NELL1: variants seen among roughly 807,000 people sequenced by gnomAD.
The protein encoded by NELL1 is neural EGFL like 1, also known as protein kinase C-binding protein NELL1.
A neutral mutation model predicts 107.4 loss-of-function variants in NELL1; 76 were observed. The observed-to-expected ratio is 0.71, with a 90% CI of 0.59 to 0.86. NELL1 has a LOEUF of 0.86. NELL1 is among the 40% of genes least tolerant of loss of function. NELL1 has a pLI of 0.00. For missense variants in NELL1, 1,024 were observed against 1,005.5 expected, an observed-to-expected ratio of 1.02 and a Z score of -0.25; for synonymous variants, 353 against 341.2, an observed-to-expected ratio of 1.03 and a Z score of -0.38.
intron 5 of NELL1, among the ~76,000 whole-genome samples, chr11:20,888,965 C>T (rs1227110629): frequency 5.3e-5 from 8 of 152,164 alleles, no homozygotes; most frequent in Admixed American, 1.3e-4. Flanking sequence ...CTAATATTTT[C>T]AAGGCTTTGT....
chr11:21,261,125 C>T (rs989275629), intron 14 of NELL1, among the ~76,000 whole-genome samples: 1 of 151,074 alleles, frequency 6.6e-6, no homozygotes, highest in Admixed American at 6.6e-5. Flanking sequence ...GCTGGTTCCT[C>T]GACATTTTTA....
intron 15 of NELL1, among the ~76,000 whole-genome samples, chr11:21,518,163 T>C (rs972534071): frequency 5.3e-5 from 8 of 152,124 alleles, no homozygotes; most frequent in African/African-American, 1.9e-4. Flanking sequence ...GGTGCTGATT[T>C]TCCCCCTTTC....
chr11:21,027,282 C>CTAGTTTAGTT (rs60300243), intron 12 of NELL1, among the ~76,000 whole-genome samples: 6,857 of 140,956 alleles, frequency 0.049, 230 homozygotes, highest in African/African-American at 0.077. Flanking sequence ...TGGGAAAAGC[C>CTAGTTTAGTT]TAGTTTAGTT....
intron 4 of NELL1, among the ~76,000 whole-genome samples, chr11:20,857,206 G>T (rs111392818): frequency 2.3e-4 from 35 of 152,270 alleles, no homozygotes; most frequent in African/African-American, 7.2e-4. Context: ...GGAGCGGCAG[G>T]AGCTGCAGAA....
intron 12 of NELL1, among the ~76,000 whole-genome samples, chr11:20,993,915 G>A (rs372413841): frequency 1.3e-5 from 2 of 148,304 alleles, no homozygotes; most frequent in South Asian, 2.1e-4. Context: ...AAAAAAATCA[G>A]TACGAATCAG....
chr11:20,965,384 AG>A (rs1851368343), intron 12 of NELL1, among the ~76,000 whole-genome samples: 1 of 152,210 alleles, frequency 6.6e-6, no homozygotes, highest in African/African-American at 2.4e-5. Flanking sequence ...AATGTTTATG[AG>A]GATCTTTCTT....
intron 10 of NELL1, 114 bp downstream of exon 10, chr11:20,937,973 T>C (rs1850762747): frequency 1.1e-6 from 1 of 934,596 alleles, no homozygotes; most frequent in South Asian, 1.4e-5. Flanking sequence ...CCCCGAGGGG[T>C]GGAACTCTCT....
At chr11:21,050,080 A>G (rs1853455118) in intron 12 of NELL1, among the ~76,000 whole-genome samples, 1 of 152,206 alleles carries the variant, frequency 6.6e-6, no homozygotes, top group Non-Finnish European at 1.5e-5. Context: ...CTAATGCTGC[A>G]TCTTAAAAGC....
chr11:21,562,319 A>G (rs561350756), intron 17 of NELL1, among the ~76,000 whole-genome samples: 23 of 152,046 alleles, frequency 1.5e-4, no homozygotes, highest in Non-Finnish European at 2.8e-4. Flanking sequence ...ACAGGGGATG[A>G]GCAATTCTTG....
intron 12 of NELL1, among the ~76,000 whole-genome samples, chr11:20,982,630 A>G (rs1279197236): frequency 2.0e-5 from 3 of 152,214 alleles, no homozygotes; most frequent in Non-Finnish European, 4.4e-5. Context: ...TAGCCCCTTC[A>G]TTTTGTAGAA....
intron 15 of NELL1, among the ~76,000 whole-genome samples, chr11:21,466,246 T>C (rs1023961099): frequency 2.0e-5 from 3 of 152,100 alleles, no homozygotes; most frequent in African/African-American, 7.2e-5. Context: ...CTTTCAGCAT[T>C]GCGGAGGACT....
chr11:21,419,342 ATTCTATCAACTGT>A (rs1852602059), intron 15 of NELL1, among the ~76,000 whole-genome samples: 1 of 152,140 alleles, frequency 6.6e-6, no homozygotes, highest in East Asian at 1.9e-4. Flanking sequence ...TGGAAAAAAA[ATTCTATCAACTGT>A]TTCCTCATCA....
At chr11:20,842,743 C>T (rs1380939246) in intron 3 of NELL1, among the ~76,000 whole-genome samples, 10 of 152,078 alleles carry the variant, frequency 6.6e-5, no homozygotes, top group Non-Finnish European at 1.3e-4. Flanking sequence ...AAGGTTGTTA[C>T]GAGGATTACA....
intron 12 of NELL1, among the ~76,000 whole-genome samples, chr11:20,991,372 A>C (rs1251171532): frequency 6.6e-6 from 1 of 152,170 alleles, no homozygotes; most frequent in Non-Finnish European, 1.5e-5. Flanking sequence ...ACATATGTCA[A>C]CCCTTATTGA....
chr11:20,815,834 G>A (rs1048288926), intron 3 of NELL1, among the ~76,000 whole-genome samples: 7 of 152,026 alleles, frequency 4.6e-5, no homozygotes, highest in African/African-American at 1.7e-4. Context: ...TTTTATATAT[G>A]GTAAAATGTA....
intron 15 of NELL1, among the ~76,000 whole-genome samples, chr11:21,533,157 C>T (rs1856036741): frequency 6.6e-6 from 1 of 152,048 alleles, no homozygotes; most frequent in South Asian, 2.1e-4. Context: ...TGGAGTTGCA[C>T]AGTATGAGGA....
chr11:20,860,218 T>C (rs1848954484), intron 4 of NELL1, among the ~76,000 whole-genome samples: 1 of 152,240 alleles, frequency 6.6e-6, no homozygotes. Flanking sequence ...ACTTTTACCA[T>C]AAAATAGTGT....
At chr11:21,068,371 T>C (rs1039273244) in intron 12 of NELL1, among the ~76,000 whole-genome samples, 4 of 152,202 alleles carry the variant, frequency 2.6e-5, no homozygotes, top group African/African-American at 9.7e-5. Context: ...CCCAAGACCA[T>C]GGAGTTAATA....
At chr11:21,045,691 T>C (rs960262907) in intron 12 of NELL1, among the ~76,000 whole-genome samples, 5 of 152,188 alleles carry the variant, frequency 3.3e-5, no homozygotes, top group Non-Finnish European at 5.9e-5. Context: ...TAAATTTTCT[T>C]GGCTGTTTTC....
Sources: allele counts gnomAD v4.1 joint callset (sites outside exome capture counted in the v4.1 genomes callset), GRCh38; gene constraint gnomAD v4.1.1; transcripts MANE v1.5; gene names NCBI Gene and HGNC (gene_info 2026-07-23, HGNC 2026-07-21).